Variants in PGM1 observed in about 807,000 individuals in gnomAD.
PGM1 encodes phosphoglucomutase 1, also known as phosphoglucomutase-1.
PGM1 carries 52 observed loss-of-function variants against 55.6 expected under a neutral mutation model. The ratio of observed to expected loss-of-function variants is 0.94; its 90% confidence interval spans 0.75 to 1.18. The LOEUF is 1.18. Among genes scored for constraint, PGM1 ranks in the 50% most tolerant of loss-of-function variants. PGM1 has a pLI of 0.00. For missense variants in PGM1, 724 were observed against 729.3 expected (o/e 0.99, Z 0.08); for synonymous variants, 287 against 271.7 (o/e 1.06, Z -0.55).
intron 7 of PGM1, among the ~76,000 whole-genome samples, chr1:63,640,409 C>T (rs111956102): frequency 0.035 from 5,261 of 152,236 alleles, 135 homozygotes; most frequent in Non-Finnish European, 0.053. Context: ...TGGATATTCA[C>T]AATGATATTA....
At chr1:63,618,036 T>TACAGGGCATA (rs1648786349) in intron 1 of PGM1, among the ~76,000 whole-genome samples, 1 of 152,210 alleles carries the variant, frequency 6.6e-6, no homozygotes, top group South Asian at 2.1e-4. Flanking sequence ...CAGATCCTTG[T>TACAGGGCATA]ACAGGGCATA....
intron 1 of PGM1, among the ~76,000 whole-genome samples, chr1:63,604,940 TG>T (rs1275582382): frequency 2.6e-4 from 38 of 144,886 alleles, no homozygotes; most frequent in African/African-American, 9.3e-4. Context: ...TGTGTGTGTG[TG>T]TGTGTGTGTG....
At chr1:63,652,829 T>C (rs1649845314) in intron 9 of PGM1, among the ~76,000 whole-genome samples, 1 of 152,196 alleles carries the variant, frequency 6.6e-6, no homozygotes. Context: ...CCTCAACTTC[T>C]AGCACAAGTG....
chr1:63,594,079 G>GC (rs1166581156), intron 1 of PGM1: 4 of 1,052,298 alleles, frequency 3.8e-6, no homozygotes, highest in East Asian at 8.5e-5. Context: ...TCTGACATTT[G>GC]CCCTAACCTT....
At chr1:63,657,248 T>C (rs1162350717) in intron 10 of PGM1, among the ~76,000 whole-genome samples, 1 of 152,206 alleles carries the variant, frequency 6.6e-6, no homozygotes, top group Non-Finnish European at 1.5e-5. Context: ...TTGAGCAAAG[T>C]TAAAGAGATC....
intron 1 of PGM1, chr1:63,594,149 G>C (rs1647964264): frequency 2.3e-5 from 23 of 993,316 alleles, no homozygotes; most frequent in Non-Finnish European, 2.8e-5. Context: ...GGAAAGGTTA[G>C]ACTGCCGCCG....
At chr1:63,616,888 C>A (rs1004027057) in intron 1 of PGM1, among the ~76,000 whole-genome samples, 2 of 152,178 alleles carry the variant, frequency 1.3e-5, no homozygotes, top group African/African-American at 4.8e-5. Context: ...TGCACATAGC[C>A]AATGGCCCGT....
At chr1:63,597,094 C>A (rs910551690) in intron 1 of PGM1, among the ~76,000 whole-genome samples, 3 of 152,066 alleles carry the variant, frequency 2.0e-5, no homozygotes, top group African/African-American at 4.8e-5. Flanking sequence ...AGTAAGCAGA[C>A]AGCACAATGT....
chr1:63,654,293 C>T, intron 9 of PGM1, 39 bp from the exon 10 acceptor site: 1 of 1,610,892 alleles, frequency 6.2e-7, no homozygotes, highest in South Asian at 1.1e-5. Flanking sequence ...TTCAGTCTCC[C>T]AGCATTTGGG....
intron 4 of PGM1, among the ~76,000 whole-genome samples, chr1:63,633,339 G>A (rs548753164): frequency 8.5e-5 from 13 of 152,308 alleles, no homozygotes; most frequent in African/African-American, 3.1e-4. Flanking sequence ...CATTGGGTAA[G>A]AGGAGCTTCT....
Position 63,636,278 on chromosome 1 carries a change from T to C in PGM1, c.918T>C (p.Pro306=). 1 of 1,614,096 alleles carries C rather than the reference T, an allele frequency of 6.2e-7. No individual in the cohort carries two copies. Among genetic ancestry groups the C allele is most frequent in the Non-Finnish European group, 8.5e-7 (1 of 1,179,912 alleles). ...GCAAGCATGGGTTCTTTGTGAACCC[T>C]TCAGACTCTGTGGCTGTCATTGCTG... ...ILGKHGFFVN[P]SDSVAVIAAN... Residue 306 remains proline (P), a synonymous_variant, in exon 6 of 11, where the codon CCT becomes CCC. Transcript: ENST00000371084.
Position 63,632,122 on chromosome 1 carries a change from G to A in PGM1, c.682+340G>A, listed in dbSNP as rs138315968. On this transcript the variant is annotated intron_variant, in intron 4 of 10. Transcript: ENST00000371084. ...GCCCCCATGTATTTCTGAGAGGACG[G>A]TCATTTGGGAGATGTGATAAACATA... 7.0e-4 allele frequency among the ~76,000 whole-genome samples: 106 copies of A among 152,014 alleles called. 1 individual carries two copies. The East Asian group carries it at 0.019, about 28-fold the overall frequency.
intron 1 of PGM1, among the ~76,000 whole-genome samples, chr1:63,600,563 A>G (rs1648213941): frequency 2.0e-5 from 3 of 152,220 alleles, no homozygotes; most frequent in Admixed American, 2.0e-4. Flanking sequence ...TGTCAAATGA[A>G]GATAAGTTCT....
chr1:63,609,479 G>A (rs705508), intron 1 of PGM1, among the ~76,000 whole-genome samples: 116,398 of 152,076 alleles, frequency 0.77, 45,170 homozygotes, highest in South Asian at 0.88. Context: ...ATGCTGGTGG[G>A]GGAGACAGGC....
intron 5 of PGM1, 40 bp downstream of exon 5, chr1:63,635,059 A>T (rs767467848): frequency 6.4e-7 from 1 of 1,560,304 alleles, no homozygotes; most frequent in Non-Finnish European, 8.8e-7. Flanking sequence ...GGTGCAGGCC[A>T]GGCCTGATCC....
intron 1 of PGM1, among the ~76,000 whole-genome samples, chr1:63,611,792 A>G (rs1467633137): frequency 6.6e-6 from 1 of 152,156 alleles, no homozygotes; most frequent in Admixed American, 6.5e-5. Context: ...AGTCCCAGCT[A>G]TTCGGGAGGC....
At position 63,651,634 on chromosome 1, in the gene PGM1, C is replaced by T. The variant is rs374376087; in HGVS notation, c.1281-35C>T. 100 of 1,602,030 alleles carry T rather than the reference C, an allele frequency of 6.2e-5. No homozygotes were observed. The African/African-American group carries it at 1.2e-3, about 20-fold the overall frequency. The stretch of plus-strand genomic sequence containing the variant: ...GATAGGCCTTGGTGTGATCTGCAGT[C>T]AGCCCGTGGGCCTCAACTTCGTGAC... On this transcript the variant is annotated intron_variant, in intron 8 of 10. Transcript: ENST00000371084.
At chr1:63,629,359 T>C in intron 1 of PGM1, 66 bp from the exon 2 acceptor site, 2 of 1,345,968 alleles carry the variant, frequency 1.5e-6, no homozygotes, top group Non-Finnish European at 2.1e-6. Flanking sequence ...TGTCTTGGTG[T>C]TGTTTCTGAG....
At chr1:63,611,630 C>T (rs756289645) in intron 1 of PGM1, among the ~76,000 whole-genome samples, 101 of 152,124 alleles carry the variant, frequency 6.6e-4, no homozygotes, top group Non-Finnish European at 9.0e-4. Context: ...GTAGGCCGGG[C>T]GCAGTGGCTC....
Sources: gnomAD v4.1 joint callset for allele counts (sites outside exome capture counted in the v4.1 genomes callset) on GRCh38, gnomAD v4.1.1 for gene constraint, MANE v1.5 for transcripts, NCBI Gene and HGNC (gene_info 2026-07-23, HGNC 2026-07-21) for gene names.